SNX8: variants seen among roughly 807,000 people sequenced by gnomAD.
The protein encoded by SNX8 is sorting nexin 8.
In SNX8, 25 loss-of-function variants were observed where a neutral mutation model predicts 51.6. That is an observed-to-expected ratio of 0.48 (90% CI 0.35 to 0.68). The LOEUF (loss-of-function observed/expected upper bound fraction) is 0.68. SNX8 is among the 30% of genes least tolerant of loss of function. SNX8 has a pLI of 0.00. For synonymous variants in SNX8, 324 were observed against 277.0 expected, an observed-to-expected ratio of 1.17 and a Z score of -1.68; for missense variants, 695 against 624.0, an observed-to-expected ratio of 1.11 and a Z score of -1.21.
intron 1 of SNX8, among the ~76,000 whole-genome samples, chr7:2,289,840 T>C (rs1584707229): frequency 6.6e-6 from 1 of 152,118 alleles, no homozygotes; most frequent in East Asian, 1.9e-4. Context: ...GAGGCTACAG[T>C]GAGCCATGAT....
At chr7:2,299,399 C>G (rs1417551025) in intron 1 of SNX8, 1 of 152,126 alleles carries the variant, frequency 6.6e-6, no homozygotes, top group East Asian at 1.9e-4. Context: ...GCGGAGCCAG[C>G]CAAGGACATC....
At chr7:2,292,379 A>T (rs965482533) in intron 1 of SNX8, among the ~76,000 whole-genome samples, 2 of 152,114 alleles carry the variant, frequency 1.3e-5, no homozygotes, top group African/African-American at 4.8e-5. Flanking sequence ...AAATATAGGC[A>T]TAAATCTTCA....
intron 1 of SNX8, among the ~76,000 whole-genome samples, chr7:2,348,595 C>A (rs926249173): frequency 6.6e-6 from 1 of 151,656 alleles, no homozygotes; most frequent in African/African-American, 2.4e-5. Context: ...CCCGCCTCAG[C>A]CTCCCAAAGT....
At chr7:2,336,190 T>C (rs534453008) in intron 1 of SNX8, among the ~76,000 whole-genome samples, 215 of 141,574 alleles carry the variant, frequency 1.5e-3, no homozygotes, top group Non-Finnish European at 2.5e-3. Flanking sequence ...TCACCTGAGG[T>C]AGGGAATTCG....
intron 1 of SNX8, among the ~76,000 whole-genome samples, chr7:2,305,093 G>A (rs142450645): frequency 1.0e-3 from 153 of 152,194 alleles, no homozygotes; most frequent in African/African-American, 2.9e-3. Flanking sequence ...GTGGGTCACC[G>A]AAACAGCTGG....
intron 1 of SNX8, among the ~76,000 whole-genome samples, chr7:2,348,342 T>C (rs1429391755): frequency 3.5e-5 from 5 of 142,492 alleles, no homozygotes; most frequent in African/African-American, 1.0e-4. Flanking sequence ...TTCTTTCTTT[T>C]TTTTTTTTTT....
intron 2 of SNX8, 51 bp from the exon 3 acceptor site, chr7:2,275,280 G>A (rs748107305): frequency 1.5e-5 from 19 of 1,248,394 alleles, no homozygotes; most frequent in Middle Eastern, 1.9e-4. Context: ...CTATGCTGTC[G>A]CGTCACTTCC....
At chr7:2,273,878 T>G (rs1208835248) in intron 3 of SNX8, among the ~76,000 whole-genome samples, 2 of 149,980 alleles carry the variant, frequency 1.3e-5, no homozygotes, top group Non-Finnish European at 3.0e-5. Flanking sequence ...CACTCCAGCC[T>G]GGGCGACAGA....
intron 1 of SNX8, among the ~76,000 whole-genome samples, chr7:2,338,323 A>G (rs139243444): frequency 0.74 from 111,198 of 151,140 alleles, 41,025 homozygotes; most frequent in East Asian, 0.85. Context: ...TTAGCCGGGC[A>G]CGGTGGCAGG....
At chr7:2,344,990 AT>A (rs1439493533) in intron 1 of SNX8, among the ~76,000 whole-genome samples, 1 of 152,198 alleles carries the variant, frequency 6.6e-6, no homozygotes, top group Non-Finnish European at 1.5e-5. Flanking sequence ...AGAAACAGCA[AT>A]ATTCCCACAC....
intron 1 of SNX8, among the ~76,000 whole-genome samples, chr7:2,306,030 C>T (rs1276857261): frequency 6.6e-6 from 1 of 152,206 alleles, no homozygotes; most frequent in Non-Finnish European, 1.5e-5. Flanking sequence ...ATTGGTACGG[C>T]ATCTTCCTCG....
intron 7 of SNX8, 92 bp from the exon 8 acceptor site, chr7:2,257,895 C>A: frequency 7.9e-7 from 1 of 1,264,696 alleles, no homozygotes; most frequent in South Asian, 1.2e-5. Flanking sequence ...TGGGCCGGTT[C>A]CTTCCTCCCA....
At chr7:2,328,634 G>A (rs1778671247) in intron 1 of SNX8, among the ~76,000 whole-genome samples, 1 of 151,760 alleles carries the variant, frequency 6.6e-6, no homozygotes, top group Non-Finnish European at 1.5e-5. Flanking sequence ...CCAACATGGT[G>A]AAACACCATC....
At chr7:2,308,118 C>A (rs6963924) in intron 1 of SNX8, among the ~76,000 whole-genome samples, 1 of 151,826 alleles carries the variant, frequency 6.6e-6, no homozygotes, top group South Asian at 2.1e-4. Context: ...AGTAACAAAA[C>A]ATATTTGCAG....
chr7:2,295,129 G>A (rs1027231388), intron 1 of SNX8, among the ~76,000 whole-genome samples: 78 of 152,256 alleles, frequency 5.1e-4, no homozygotes, highest in African/African-American at 1.3e-3. Flanking sequence ...TAGGCCAAGC[G>A]CGGTGGCTCA....
chr7:2,331,941 C>G (rs1778744878), intron 1 of SNX8, among the ~76,000 whole-genome samples: 1 of 151,648 alleles, frequency 6.6e-6, no homozygotes, highest in African/African-American at 2.4e-5. Flanking sequence ...CGTGGTGGCT[C>G]AGTCCTGCAA....
chr7:2,330,138 CT>C (rs71023396), intron 1 of SNX8, among the ~76,000 whole-genome samples: 47,531 of 106,792 alleles, frequency 0.45, 9,397 homozygotes, highest in East Asian at 0.54. Flanking sequence ...GCCCTTTTTT[CT>C]TTTTTTTTTT....
chr7:2,321,635 C>T (rs964993724), intron 1 of SNX8, among the ~76,000 whole-genome samples: 9 of 150,434 alleles, frequency 6.0e-5, no homozygotes, highest in African/African-American at 2.2e-4. Context: ...ACTGTGGTCT[C>T]GATCTCCTTA....
chr7:2,321,497 G>A (rs1240853036), intron 1 of SNX8, among the ~76,000 whole-genome samples: 165 of 149,292 alleles, frequency 1.1e-3, no homozygotes, highest in Non-Finnish European at 3.8e-4. Flanking sequence ...CGTGATCTCA[G>A]CTCACTGCAA....
Sources: gnomAD v4.1 joint callset for allele counts (sites outside exome capture counted in the v4.1 genomes callset) on GRCh38, gnomAD v4.1.1 for gene constraint, MANE v1.5 for transcripts, NCBI Gene and HGNC (gene_info 2026-07-23, HGNC 2026-07-21) for gene names.